Variants in BMP1 observed in about 807,000 individuals in gnomAD.
The protein encoded by BMP1 is mammalian tolloid protein.
BMP1 carries 63 observed loss-of-function variants against 116.8 expected under a neutral mutation model. The ratio of observed to expected loss-of-function variants is 0.54; its 90% confidence interval spans 0.44 to 0.67. The LOEUF is 0.67. Among genes scored for constraint, BMP1 ranks in the 30% least tolerant of loss-of-function variants. The pLI, the probability that BMP1 is intolerant of heterozygous loss-of-function variation, is 0.00. For synonymous variants in BMP1, 536 were observed against 533.4 expected, an observed-to-expected ratio of 1.00 and a Z score of -0.07; for missense variants, 1,183 against 1,358.9, an observed-to-expected ratio of 0.87 and a Z score of 2.04.
Position 22,176,519 on chromosome 8 carries a change from C to A in BMP1, c.434-14C>A. The A allele has an allele frequency of 3.1e-6, 5 of 1,613,820 alleles. No individual in the cohort carries two copies. Among genetic ancestry groups the A allele is most frequent in the Non-Finnish European group, 4.2e-6 (5 of 1,179,784 alleles). ...CTGGACACCGTGGCAACCTGGCTTCCTTCCTCCTGGCAGGTAGCCAGAGGG... is the reference window on the plus strand; with the variant it reads ...CTGGACACCGTGGCAACCTGGCTTCATTCCTCCTGGCAGGTAGCCAGAGGG... On this transcript the variant is annotated splice_polypyrimidine_tract_variant and intron_variant, in intron 3 of 19. Coordinates refer to ENST00000306385, the MANE Select transcript of BMP1 (RefSeq NM_006129.5).
chr8:22,195,553 G>C lies in BMP1; in HGVS notation c.1731G>C (p.Gly577=). The C allele has an allele frequency of 6.2e-7, 1 of 1,612,454 alleles. No homozygotes were observed. The highest frequency in any genetic ancestry group is 8.5e-7 in the Non-Finnish European group (1 of 1,179,758). ...LGSYKCSCDP[G]YELAPDKRRC... ...GCTACAAGTGCAGCTGTGACCCCGG[G>C]TACGAGCTGGCCCCAGACAAGCGCC... Residue 577 remains glycine, a synonymous_variant, in exon 13 of 20, where the codon GGG becomes GGC. Coordinates refer to ENST00000306385, the MANE Select transcript of BMP1 (RefSeq NM_006129.5).
intron 1 of BMP1, among the ~76,000 whole-genome samples, chr8:22,165,864 G>A (rs888415395): frequency 1.3e-4 from 17 of 134,682 alleles, no homozygotes; most frequent in Non-Finnish European, 2.5e-4. Flanking sequence ...AACTTTTCTG[G>A]CCAAACTCCT....
intron 1 of BMP1, among the ~76,000 whole-genome samples, chr8:22,167,074 G>C (rs903100597): frequency 6.6e-6 from 1 of 152,214 alleles, no homozygotes; most frequent in Non-Finnish European, 1.5e-5. Flanking sequence ...ACTTAATAGT[G>C]CTTAACACAC....
chr8:22,178,690 G>A (rs1238209268), intron 6 of BMP1, among the ~76,000 whole-genome samples: 1 of 151,988 alleles, frequency 6.6e-6, no homozygotes, highest in Non-Finnish European at 1.5e-5. Context: ...CTTATCTGAG[G>A]CCCAGGTCCC....
chr8:22,201,545 A>C, intron 15 of BMP1: 1 of 1,414,674 alleles, frequency 7.1e-7, no homozygotes, highest in Non-Finnish European at 9.2e-7. Context: ...GGTAATGGTG[A>C]CCCATGCTGG....
chr8:22,199,255 G>GC, intron 15 of BMP1: 3 of 1,367,402 alleles, frequency 2.2e-6, no homozygotes, highest in East Asian at 4.5e-5. Flanking sequence ...TCTGACTCTG[G>GC]CCCCCCAGGA....
intron 3 of BMP1, 92 bp from the exon 4 acceptor site, chr8:22,176,441 T>A (rs1023273818): frequency 1.3e-4 from 202 of 1,559,738 alleles, no homozygotes; most frequent in Non-Finnish European, 1.7e-4. Flanking sequence ...TTCCAGGCAG[T>A]CTGCCCTCAG....
At chr8:22,180,197 T>C (rs118114121) in intron 7 of BMP1, among the ~76,000 whole-genome samples, 171 bp from the exon 8 acceptor site, 2,820 of 152,036 alleles carry the variant, frequency 0.019, 49 homozygotes, top group Non-Finnish European at 0.032. Context: ...GCGTGTGCTA[T>C]ATGTGAGGTA....
At chr8:22,196,554 A>T in intron 13 of BMP1, 126 bp from the exon 14 acceptor site, 1 of 1,406,608 alleles carries the variant, frequency 7.1e-7, no homozygotes, top group Non-Finnish European at 9.9e-7. Context: ...GACCAGACAC[A>T]GGTCCCTGAG....
chr8:22,202,294 G>A (rs1829281958), intron 16 of BMP1, among the ~76,000 whole-genome samples: 1 of 152,226 alleles, frequency 6.6e-6, no homozygotes, highest in African/African-American at 2.4e-5. Flanking sequence ...GCCTGGCCCA[G>A]CCCTGCCGCT....
In BMP1 at chr8:22,194,863, A is replaced by C; in HGVS notation, c.1583A>C (p.Lys528Thr). The stretch of plus-strand genomic sequence containing the variant: ...AGCACGTCCAGCCGCCTCTGGCTCA[A>C]GTTCGTCTCTGACGGGTCCATTAAC... ...IKSTSSRLWL[K>T]FVSDGSINKA... is the part of the protein sequence containing the mutation. Residue 528 changes from lysine to threonine, a missense_variant, in exon 12 of 20, where the codon AAG (lysine) becomes ACG (threonine). By Grantham distance (78) the Lys-to-Thr change is moderately conservative. Coordinates refer to ENST00000306385, the MANE Select transcript of BMP1 (RefSeq NM_006129.5). The surrounding 1 kb of genome is among the most constrained non-coding windows in gnomAD (Gnocchi z 4.5). The C allele has an allele frequency of 1.2e-6, 2 of 1,614,070 alleles. No individual in the cohort carries two copies. The highest frequency in any genetic ancestry group is 1.7e-6 in the Non-Finnish European group (2 of 1,179,996).
At chr8:22,195,929 T>G (rs1042988684) in intron 13 of BMP1, among the ~76,000 whole-genome samples, 3 of 152,050 alleles carry the variant, frequency 2.0e-5, no homozygotes, top group Non-Finnish European at 2.9e-5. Flanking sequence ...GATCACAGGC[T>G]TGAGTCACTG....
At chr8:22,182,348 A>G (rs1320448846) in intron 8 of BMP1, among the ~76,000 whole-genome samples, 3 of 152,172 alleles carry the variant, frequency 2.0e-5, no homozygotes, top group African/African-American at 7.2e-5. Context: ...AAGAACCAAG[A>G]TTTCCCTCCA....
rs369521665 is a variant in BMP1 at position 22,194,223 on chromosome 8, G to C, written c.1297+49G>C. ...GAGGAGTCAGATAGGAGGTCTCTGGGCATGGTAAAACAACTCCCTCCTGGC... is the reference window on the plus strand; with the variant it reads ...GAGGAGTCAGATAGGAGGTCTCTGGCCATGGTAAAACAACTCCCTCCTGGC... On this transcript the variant is annotated intron_variant, in intron 10 of 19. Transcript: ENST00000306385. The surrounding 1 kb of genome is among the most constrained non-coding windows in gnomAD (Gnocchi z 4.5). 5 of 1,575,048 alleles carry C rather than the reference G, an allele frequency of 3.2e-6. No homozygotes were observed. Among genetic ancestry groups the C allele is most frequent in the Non-Finnish European group, 4.4e-6 (5 of 1,144,624 alleles).
In BMP1 at chr8:22,176,176, G is replaced by A. The variant is rs1438817196; in HGVS notation, c.296G>A (p.Ser99Asn). ...PGNTSTPSCQ[S>N]TNGQPQRGAC... is the part of the protein sequence containing the mutation. ...AACACTTCTACCCCCAGCTGCCAGA[G>A]CACCAACGGGCAGCCTCAGAGGGGA... Residue 99 changes from serine to asparagine, a missense_variant, in exon 3 of 20, where the codon AGC (serine) becomes AAC (asparagine). Around this residue, in one of 4 missense-constraint regions of BMP1, gnomAD observed 185 missense variants for 158.9 expected, o/e 1.16. Coordinates refer to ENST00000306385, the MANE Select transcript of BMP1 (RefSeq NM_006129.5). 31 of 1,614,092 alleles carry A rather than the reference G, an allele frequency of 1.9e-5. No individual in the cohort carries two copies. Among genetic ancestry groups the A allele is most frequent in the Non-Finnish European group, 2.6e-5 (31 of 1,180,016 alleles).
At chr8:22,207,728 C>A (rs376686480) in intron 18 of BMP1, among the ~76,000 whole-genome samples, 1 of 152,130 alleles carries the variant, frequency 6.6e-6, no homozygotes, top group East Asian at 1.9e-4. Flanking sequence ...GCAGTGATGA[C>A]GATGGACAGG....
At chr8:22,177,826 C>G (rs73225845) in intron 5 of BMP1, 26 bp from the exon 6 acceptor site, 487 of 1,561,812 alleles carry the variant, frequency 3.1e-4, no homozygotes, top group Non-Finnish European at 4.0e-4. Flanking sequence ...TCCTCTCCCC[C>G]CACACCCTTT....
Position 22,211,687 on chromosome 8 carries a change from A to G in BMP1, c.2920A>G (p.Thr974Ala), listed in dbSNP as rs1164131029. 6 of 1,613,972 alleles carry G rather than the reference A, an allele frequency of 3.7e-6. No homozygotes were observed. The highest frequency in any genetic ancestry group is 4.2e-6 in the Non-Finnish European group (5 of 1,180,028). ...ITKKGFHLRY[T>A]STKFQDTLHS... The stretch of plus-strand genomic sequence containing the variant: ...CAAAAAAGGTTTCCACCTGCGATAC[A>G]CCAGCACCAAGTTCCAGGACACACT... The change falls in exon 20 of 20, where the codon ACC becomes GCC. Residue 974 changes from threonine (T) to alanine (A), a missense_variant. Around this residue, in one of 4 missense-constraint regions of BMP1, gnomAD observed 956 missense variants for 1,135.2 expected, o/e 0.84. Transcript: ENST00000306385.
intron 1 of BMP1, among the ~76,000 whole-genome samples, chr8:22,172,093 A>G (rs74665011): frequency 0.016 from 2,474 of 152,290 alleles, 54 homozygotes; most frequent in African/African-American, 0.053. Context: ...AGTGAGGCCA[A>G]CTGGGGAGGA....
Sources: allele counts gnomAD v4.1 joint callset (sites outside exome capture counted in the v4.1 genomes callset), GRCh38; gene constraint gnomAD v4.1.1; regional missense constraint gnomAD v4.1.1; non-coding constraint Gnocchi (gnomAD v3.1); transcripts MANE v1.5; gene names NCBI Gene and HGNC (gene_info 2026-07-23, HGNC 2026-07-21).